Variants in BRD10 observed in about 807,000 individuals in gnomAD.
BRD10 encodes the protein bromodomain containing 10.
chr9:5,982,138 T>C, the BRD10 span, among the ~76,000 whole-genome samples: 1 of 152,176 alleles, frequency 6.6e-6, no homozygotes, highest in African/African-American at 2.4e-5. Flanking sequence ...TCTACAAATA[T>C]ATACCTATGT....
At chr9:5,912,225 T>C in the BRD10 span, among the ~76,000 whole-genome samples, 6 of 152,256 alleles carry the variant, frequency 3.9e-5, no homozygotes, top group African/African-American at 1.2e-4. Context: ...GTTGATTTTG[T>C]ACCCTGCAAC....
chr9:5,949,109 T>C, the BRD10 span, among the ~76,000 whole-genome samples: 10 of 151,738 alleles, frequency 6.6e-5, no homozygotes, highest in Admixed American at 5.9e-4. Context: ...CTGTTAAAAG[T>C]GAAACAAAAA....
At chr9:5,974,557 G>C in the BRD10 span, among the ~76,000 whole-genome samples, 1 of 152,260 alleles carries the variant, frequency 6.6e-6, no homozygotes, top group East Asian at 1.9e-4. Flanking sequence ...GATGCAGACA[G>C]ACAGAGAGTA....
At chr9:5,940,402 C>T in the BRD10 span, among the ~76,000 whole-genome samples, 182 of 152,146 alleles carry the variant, frequency 1.2e-3, 4 homozygotes, top group Middle Eastern at 0.031. Flanking sequence ...ACCATGTTAG[C>T]CAGGCTGGTC....
the BRD10 span, among the ~76,000 whole-genome samples, chr9:5,987,259 C>G: frequency 6.6e-6 from 1 of 152,012 alleles, no homozygotes; most frequent in Non-Finnish European, 1.5e-5. Flanking sequence ...CTCCCTATAC[C>G]AAGGAAGATA....
chr9:5,982,596 C>A, the BRD10 span, among the ~76,000 whole-genome samples: 15 of 152,310 alleles, frequency 9.8e-5, no homozygotes, highest in Non-Finnish European at 7.4e-5. Context: ...CGGGACTCTG[C>A]AGAGAGTTGC....
the BRD10 span, among the ~76,000 whole-genome samples, chr9:5,982,229 T>C: frequency 6.6e-6 from 1 of 152,140 alleles, no homozygotes; most frequent in South Asian, 2.1e-4. Flanking sequence ...ACCCTCCTAC[T>C]GCAAGCAGCT....
At chr9:5,915,383 A>C in the BRD10 span, among the ~76,000 whole-genome samples, 1 of 152,202 alleles carries the variant, frequency 6.6e-6, no homozygotes, top group African/African-American at 2.4e-5. Flanking sequence ...TATCTCATCT[A>C]ACTTCACAGC....
chr9:6,007,869 G>C, the BRD10 span: 5 of 1,372,686 alleles, frequency 3.6e-6, no homozygotes, highest in African/African-American at 3.1e-5. Context: ...GCTTCCTCAC[G>C]GCTCGGCCGC....
the BRD10 span, chr9:5,920,836 T>C: frequency 6.2e-7 from 1 of 1,613,966 alleles, no homozygotes; most frequent in Non-Finnish European, 8.5e-7. Flanking sequence ...TCAGAACAGA[T>C]GATGCAAGGT....
chr9:5,965,056 T>TAAAAAAAAAAA, the BRD10 span, among the ~76,000 whole-genome samples: 9 of 118,250 alleles, frequency 7.6e-5, no homozygotes, highest in East Asian at 2.6e-4. Context: ...TAAAGTATAA[T>TAAAAAAAAAAA]AAAAAAAAAA....
At chr9:5,884,305 C>T in the BRD10 span, among the ~76,000 whole-genome samples, 1 of 152,240 alleles carries the variant, frequency 6.6e-6, no homozygotes, top group African/African-American at 2.4e-5. Flanking sequence ...TAAAACCGTT[C>T]TGTGACTCAA....
chr9:5,894,445 C>T, the BRD10 span, among the ~76,000 whole-genome samples: 19 of 152,236 alleles, frequency 1.2e-4, no homozygotes, highest in Admixed American at 3.9e-4. This position sits in a 1 kb window ranked among gnomAD's most constrained non-coding sequence, Gnocchi z 4.0. Flanking sequence ...GGGTAACAAA[C>T]GGAAGGGTGA....
the BRD10 span, chr9:5,892,370 A>G: frequency 1.0e-6 from 1 of 954,052 alleles, no homozygotes; most frequent in South Asian, 1.9e-5. Flanking sequence ...CCTAGTGAGG[A>G]TGCTGTTGTG....
the BRD10 span, among the ~76,000 whole-genome samples, chr9:5,883,606 C>G: frequency 6.6e-6 from 1 of 151,770 alleles, no homozygotes; most frequent in Non-Finnish European, 1.5e-5. Flanking sequence ...CCTGTGACCA[C>G]AGGTGCGCAC....
chr9:5,896,648 C>A, the BRD10 span, among the ~76,000 whole-genome samples: 20 of 152,296 alleles, frequency 1.3e-4, no homozygotes, highest in South Asian at 3.9e-3. Flanking sequence ...TCAGTTCTGT[C>A]GATTTTGATC....
At chr9:6,007,966 G>A in the BRD10 span, 2 of 1,295,538 alleles carry the variant, frequency 1.5e-6, no homozygotes, top group Non-Finnish European at 1.9e-6. Flanking sequence ...CTCACCGCCG[G>A]CGGGGCGGGG....
At chr9:5,943,292 C>T in the BRD10 span, among the ~76,000 whole-genome samples, 2 of 152,080 alleles carry the variant, frequency 1.3e-5, no homozygotes, top group South Asian at 4.1e-4. Flanking sequence ...TAATATATAC[C>T]ATAAGTACAT....
chr9:5,883,655 G>A, the BRD10 span, among the ~76,000 whole-genome samples: 1 of 151,526 alleles, frequency 6.6e-6, no homozygotes, highest in Non-Finnish European at 1.5e-5. Context: ...GTACAGACAG[G>A]TTCTCACTAT....
Sources: gnomAD v4.1 joint callset for allele counts (sites outside exome capture counted in the v4.1 genomes callset) on GRCh38, gnomAD v4.1.1 for gene constraint, Gnocchi (gnomAD v3.1) non-coding constraint, MANE v1.5 for transcripts, NCBI Gene and HGNC (gene_info 2026-07-23, HGNC 2026-07-21) for gene names.